GBF1: variants seen among roughly 807,000 people sequenced by gnomAD.
The protein encoded by GBF1 is Golgi-specific brefeldin A-resistance guanine nucleotide exchange factor 1.
A neutral mutation model predicts 210.5 loss-of-function variants in GBF1; 114 were observed. The observed-to-expected ratio is 0.54, with a 90% CI of 0.47 to 0.63. GBF1 has a LOEUF of 0.63. Ranked by LOEUF, GBF1 falls within the 30% of genes least tolerant of loss-of-function variation. The probability of loss-of-function intolerance (pLI) is 0.00; values close to 1 mark genes in which losing one functional copy is unlikely to be tolerated. For synonymous variants in GBF1, 850 were observed against 889.2 expected (o/e 0.96, Z 0.78); for missense variants, 1,851 against 2,357.7 (o/e 0.79, Z 4.45).
At chr10:102,301,686 C>CT (rs2077374526) in intron 3 of GBF1, among the ~76,000 whole-genome samples, 1 of 143,812 alleles carries the variant, frequency 7.0e-6, no homozygotes, top group Admixed American at 6.9e-5. Context: ...GGCAGAGGCG[C>CT]TCCCCACATC....
At chr10:102,315,086 G>A (rs896875353) in intron 3 of GBF1, among the ~76,000 whole-genome samples, 5 of 152,096 alleles carry the variant, frequency 3.3e-5, no homozygotes, top group Non-Finnish European at 7.3e-5. Context: ...TGTAAACATC[G>A]CTTATTACCA....
chr10:102,250,071 A>G (rs1301521388), intron 1 of GBF1, among the ~76,000 whole-genome samples: 2 of 123,020 alleles, frequency 1.6e-5, no homozygotes, highest in African/African-American at 6.8e-5. Context: ...ACTACCATCT[A>G]CCTTTTCAGA....
intron 1 of GBF1, among the ~76,000 whole-genome samples, chr10:102,246,817 A>G (rs139785649): frequency 6.5e-4 from 98 of 150,496 alleles, no homozygotes; most frequent in Middle Eastern, 6.9e-3. Context: ...TTTAATGCAC[A>G]ATGTGGAAAC....
chr10:102,264,278 C>T (rs1216326864), intron 3 of GBF1, among the ~76,000 whole-genome samples: 1 of 152,104 alleles, frequency 6.6e-6, no homozygotes, highest in African/African-American at 2.4e-5. Context: ...TGCTTTGGAC[C>T]CATTACCCAG....
At chr10:102,281,930 CTT>C (rs772397261) in intron 3 of GBF1, among the ~76,000 whole-genome samples, 6 of 140,580 alleles carry the variant, frequency 4.3e-5, no homozygotes, top group Non-Finnish European at 7.8e-5. Context: ...TCTTTCTTTT[CTT>C]TTTTTTTTTT....
Position 102,363,241 on chromosome 10 carries a change from C to A in GBF1, c.1877-15C>A, listed in dbSNP as rs1349267968. On this transcript the variant is annotated splice_polypyrimidine_tract_variant and intron_variant, in intron 15 of 39. Transcript: ENST00000369983. This position sits in a 1 kb window ranked among gnomAD's most constrained non-coding sequence, Gnocchi z 4.2. The stretch of plus-strand genomic sequence containing the variant: ...TACCCTATAAGTCTTCACGTATCTT[C>A]TTCTCTCTTACCAGCTGAGAGAACT... 6.2e-7 allele frequency: 1 copy of A among 1,605,820 alleles called. No individual in the cohort carries two copies. Among genetic ancestry groups the A allele is most frequent in the Non-Finnish European group, 8.5e-7 (1 of 1,175,796 alleles).
chr10:102,379,314 C>G lies in GBF1; in HGVS notation c.4525C>G (p.Arg1509Gly), dbSNP rs749045556. 2 of 1,613,738 alleles carry G rather than the reference C, an allele frequency of 1.2e-6. No homozygotes were observed. Among genetic ancestry groups the G allele is most frequent in the Non-Finnish European group, 1.7e-6 (2 of 1,179,938 alleles). The change falls in exon 34 of 40, where the codon CGG (arginine) becomes GGG (glycine). Residue 1509 changes from arginine to glycine, a missense_variant. Arg to Gly is a moderately radical substitution (Grantham distance 125). Around this residue, in one of 3 missense-constraint regions of GBF1, gnomAD observed 967 missense variants for 1,247.7 expected, o/e 0.78. Transcript: ENST00000369983. The part of the protein sequence containing the change: ...LLDLMHTLHT[R>G]AASIYSSWAE... Reference sequence around the variant, plus strand: ...AGACCTGATGCACACCCTGCACACGCGGGCAGCCTCTATCTACAGCTCATG... The same window carrying G: ...AGACCTGATGCACACCCTGCACACGGGGGCAGCCTCTATCTACAGCTCATG...
rs1192575613 is a variant in GBF1 at position 102,380,703 on chromosome 10, A to G, written c.5173+17A>G. ...TCATCCAGGGTAGGGGGCTCAGCCC[A>G]GCTTTATCAAAAAGAGTCTCCTGCC... On this transcript the variant is annotated intron_variant, in intron 38 of 39. Transcript: ENST00000369983. 1 of 1,580,814 alleles carries G rather than the reference A, an allele frequency of 6.3e-7. No homozygotes were observed. The highest frequency in any genetic ancestry group is 8.6e-7 in the Non-Finnish European group (1 of 1,161,476).
rs139440622 is a variant in GBF1, at chr10:102,289,988, G to A, written c.163+29872G>A. ...TAGCTGGGCGTGGTGGCAAGTGCCT[G>A]TAGTCCCAGCTACTCAGGAGGCTGT... On this transcript the variant is annotated intron_variant, in intron 3 of 39. Transcript: ENST00000369983. Among the ~76,000 whole-genome samples, 4 of 152,068 alleles carry A rather than the reference G, an allele frequency of 2.6e-5. No homozygotes were observed. In the East Asian group the frequency reaches 7.7e-4, roughly 29 times the overall value.
At chr10:102,316,873 G>A (rs1410666940) in intron 3 of GBF1, among the ~76,000 whole-genome samples, 2 of 152,146 alleles carry the variant, frequency 1.3e-5, no homozygotes, top group Admixed American at 6.5e-5. Context: ...CTGAAGGAGA[G>A]GATGAGGGAT....
chr10:102,270,152 A>C lies in GBF1; in HGVS notation c.163+10036A>C, dbSNP rs531274992. ...CTTGGCCTCCCAAAGTGCTGGGATT[A>C]CAGGCGTGAACCACTGCACCCGGCC... On this transcript the variant is annotated intron_variant, in intron 3 of 39. Coordinates refer to ENST00000369983, the MANE Select transcript of GBF1 (RefSeq NM_001377137.1). Among the ~76,000 whole-genome samples, 13 of 151,956 alleles carry C rather than the reference A, an allele frequency of 8.6e-5. No individual in the cohort carries two copies. The South Asian group carries it at 2.7e-3, about 32-fold the overall frequency.
chr10:102,249,547 C>T (rs1323396126), intron 1 of GBF1, among the ~76,000 whole-genome samples: 1 of 152,120 alleles, frequency 6.6e-6, no homozygotes, highest in Non-Finnish European at 1.5e-5. Context: ...CTTTTACTTC[C>T]ACCCTTTAAG....
In GBF1 at chr10:102,307,327, A is replaced by G. The variant is rs550601426; in HGVS notation, c.164-36724A>G. 2.6e-5 allele frequency among the ~76,000 whole-genome samples: 4 copies of G among 152,066 alleles called. No individual in the cohort carries two copies. In the East Asian group the frequency reaches 5.8e-4, roughly 22 times the overall value. On this transcript the variant is annotated intron_variant, in intron 3 of 39. Coordinates refer to ENST00000369983, the MANE Select transcript of GBF1 (RefSeq NM_001377137.1). The stretch of plus-strand genomic sequence containing the variant: ...GATTCTGCTATTTAAAAATTAGAAT[A>G]TGAGCTGAGTTTGAATTTTTTAACT...
the GBF1 span, among the ~76,000 whole-genome samples, chr10:102,239,875 C>T: frequency 1.3e-5 from 2 of 152,188 alleles, no homozygotes; most frequent in East Asian, 1.9e-4. Context: ...GAAAGTAAAC[C>T]CGGCTGTTAG....
the GBF1 span, chr10:102,230,810 C>A: frequency 3.2e-6 from 5 of 1,558,872 alleles, no homozygotes; most frequent in Non-Finnish European, 4.3e-6. Context: ...GTGCCCGGGG[C>A]AGCCGCGGCG....
chr10:102,362,635 T>C lies in GBF1; in HGVS notation c.1847T>C (p.Ile616Thr), dbSNP rs544496280. Residue 616 changes from isoleucine to threonine, a missense_variant, in exon 15 of 40, where the codon ATA becomes ACA. Transcript: ENST00000369983. ...GAGACAGCCAGACCAAGCTGTGAGATAGTAGATGGCACCCGAGAAGCTAGC... is the reference window on the plus strand; with the variant it reads ...GAGACAGCCAGACCAAGCTGTGAGACAGTAGATGGCACCCGAGAAGCTAGC... The part of the protein sequence containing the change: ...KKETARPSCE[I>T]VDGTREASNT... The C allele has an allele frequency of 7.4e-6, 12 of 1,614,150 alleles. No homozygotes were observed. In the East Asian group the frequency reaches 2.2e-4, roughly 30 times the overall value.
At chr10:102,232,812 A>G in the GBF1 span, among the ~76,000 whole-genome samples, 100,397 of 152,186 alleles carry the variant, frequency 0.66, 33,513 homozygotes, top group African/African-American at 0.76. Flanking sequence ...TCAGCCAATC[A>G]TACCTGAGAC....
At chr10:102,316,333 C>T (rs756097103) in intron 3 of GBF1, among the ~76,000 whole-genome samples, 2 of 152,130 alleles carry the variant, frequency 1.3e-5, no homozygotes, top group Non-Finnish European at 2.9e-5. Flanking sequence ...GTGATCCGCC[C>T]GCCTTAGCCT....
chr10:102,245,957 G>A (rs2070774442), intron 1 of GBF1, among the ~76,000 whole-genome samples, 176 bp downstream of exon 1: 1 of 152,202 alleles, frequency 6.6e-6, no homozygotes, highest in African/African-American at 2.4e-5. Flanking sequence ...GTATGCAGGG[G>A]CAAAGGTCAT....
Sources: allele counts gnomAD v4.1 joint callset (sites outside exome capture counted in the v4.1 genomes callset), GRCh38; gene constraint gnomAD v4.1.1; regional missense constraint gnomAD v4.1.1; non-coding constraint Gnocchi (gnomAD v3.1); transcripts MANE v1.5; gene names NCBI Gene and HGNC (gene_info 2026-07-23, HGNC 2026-07-21).